ING4: variants seen among roughly 807,000 people sequenced by gnomAD.
ING4 encodes inhibitor of growth family member 4.
ING4 carries 28 observed loss-of-function variants against 33.1 expected under a neutral mutation model. The observed-to-expected ratio is 0.85, with a 90% CI of 0.63 to 1.16. The LOEUF (loss-of-function observed/expected upper bound fraction) is 1.16, where lower values mean the gene tolerates loss of function less well. Among genes scored for constraint, ING4 ranks in the 50% most tolerant of loss-of-function variants. The pLI is 0.00. For synonymous variants in ING4, 87 were observed against 104.4 expected (o/e 0.83, Z 1.02); for missense variants, 247 against 314.7 (o/e 0.78, Z 1.63).
Position 6,651,226 on chromosome 12 carries a change from G to A in ING4, c.716C>T (p.Pro239Leu). The change falls in exon 8 of 8, where the codon CCA becomes CTA. Residue 239 changes from proline (P) to leucine (L), a missense_variant. By Grantham distance (98) the Pro-to-Leu change is moderately conservative (BLOSUM62 -3). Around this residue, in one of 3 missense-constraint regions of ING4, gnomAD observed 38 missense variants for 49.7 expected, o/e 0.77. Transcript: ENST00000341550. ...CTTCTTCCGTTCTTGGGAGCAGCGT[G>A]GGCAAAACCTGAAACAGAGAAGGGG... Reference protein sequence around the residue: ...TTKPRGKWFCPRCSQERKKK With the variant: ...TTKPRGKWFCLRCSQERKKK 6.2e-7 allele frequency: 1 copy of A among 1,614,210 alleles called. No individual in the cohort carries two copies. The highest frequency in any genetic ancestry group is 8.5e-7 in the Non-Finnish European group (1 of 1,180,028).
intron 1 of ING4, 39 bp from the exon 2 acceptor site, chr12:6,656,837 C>A (rs1419377554): frequency 7.9e-7 from 1 of 1,268,572 alleles, no homozygotes. Flanking sequence ...ACTGACTATG[C>A]ATAGGCCTTA....
In ING4 at chr12:6,652,921, C is replaced by A. The variant is rs1226771221; in HGVS notation, c.391+15G>T. 1 of 1,604,186 alleles carries A rather than the reference C, an allele frequency of 6.2e-7. No homozygotes were observed. The highest frequency in any genetic ancestry group is 1.1e-5 in the South Asian group (1 of 90,870). On this transcript the variant is annotated intron_variant, in intron 4 of 7. Transcript: ENST00000341550. ...AGTCCTCGCCCCACCTCTCACAGCCCCGCCCCCTCCTCACTCTTTTTGCCT... is the reference window on the plus strand; with the variant it reads ...AGTCCTCGCCCCACCTCTCACAGCCACGCCCCCTCCTCACTCTTTTTGCCT...
At chr12:6,656,823 C>A in intron 1 of ING4, 25 bp from the exon 2 acceptor site, 1 of 1,438,120 alleles carries the variant, frequency 7.0e-7, no homozygotes, top group Non-Finnish European at 9.5e-7. Flanking sequence ...GAAACAATCA[C>A]AGGACTGACT....
intron 2 of ING4, 50 bp from the exon 3 acceptor site, chr12:6,653,446 G>A: frequency 6.5e-7 from 1 of 1,542,784 alleles, no homozygotes; most frequent in Non-Finnish European, 8.8e-7. Context: ...GTGGCTAGGT[G>A]AAACACATTT....
At chr12:6,651,461 A>G in intron 6 of ING4, 76 bp from the exon 7 acceptor site, 1 of 1,243,444 alleles carries the variant, frequency 8.0e-7, no homozygotes, top group Admixed American at 1.7e-5. Context: ...CAGATTCCTT[A>G]GGAACATCCT....
chr12:6,656,463 GC>G (rs1160796622), intron 2 of ING4: 5 of 342,960 alleles, frequency 1.5e-5, no homozygotes, highest in African/African-American at 1.1e-4. Context: ...GTGTGAGCCA[GC>G]CTGGCTAATT....
intron 1 of ING4, among the ~76,000 whole-genome samples, chr12:6,662,517 T>C (rs974390565): frequency 1.4e-4 from 21 of 152,248 alleles, no homozygotes; most frequent in East Asian, 3.9e-4. Context: ...CACAGAGCAA[T>C]AGGCTTTCTG....
intron 6 of ING4, 47 bp from the exon 7 acceptor site, chr12:6,651,432 G>C (rs1274049492): frequency 6.6e-7 from 1 of 1,519,646 alleles, no homozygotes; most frequent in East Asian, 2.3e-5. Flanking sequence ...AGGGCCAGAG[G>C]AAGGAGAGAA....
At chr12:6,662,734 A>C (rs1949595588) in intron 1 of ING4, among the ~76,000 whole-genome samples, 2 of 152,108 alleles carry the variant, frequency 1.3e-5, no homozygotes, top group African/African-American at 4.8e-5. Flanking sequence ...GTGTGTGATA[A>C]CGATTCTGAA....
At chr12:6,659,471 C>T (rs1208400363) in intron 1 of ING4, among the ~76,000 whole-genome samples, 1 of 151,826 alleles carries the variant, frequency 6.6e-6, no homozygotes, top group East Asian at 1.9e-4. Flanking sequence ...CGCACCACTG[C>T]ACTTCAGCCT....
rs1287404219 is a variant in ING4 at position 6,652,665 on chromosome 12, C to T, written c.494G>A (p.Arg165His). ...AAGGGCTCCCTGAATCACTCACGTG[C>T]GCACGAGCTTTAACTTCTTCTGGGC... Reference protein sequence around the residue: ...KTAQKKLKLVRTSPEYGMPSV... With the variant: ...KTAQKKLKLVHTSPEYGMPSV... Residue 165 changes from arginine to histidine, a missense_variant, in exon 5 of 8, where the codon CGC becomes CAC. Around this residue, in one of 3 missense-constraint regions of ING4, gnomAD observed 198 missense variants for 221.2 expected, o/e 0.89. Transcript: ENST00000341550. 7 of 1,613,342 alleles carry T rather than the reference C, an allele frequency of 4.3e-6. No individual in the cohort carries two copies. The Admixed American group carries it at 6.7e-5, about 15-fold the overall frequency.
intron 1 of ING4, among the ~76,000 whole-genome samples, chr12:6,657,121 T>C (rs1368662572): frequency 6.6e-6 from 1 of 151,298 alleles, no homozygotes; most frequent in African/African-American, 2.4e-5. Flanking sequence ...GCCACTGCAC[T>C]CCAGCCTGGG....
chr12:6,655,741 CA>C, intron 2 of ING4: 2 of 458,652 alleles, frequency 4.4e-6, no homozygotes, highest in Non-Finnish European at 7.8e-6. Context: ...TCATGTATCT[CA>C]AAACCAGTCT....
At position 6,656,799 on chromosome 12, in the gene ING4, C is replaced by T; in HGVS notation, c.38-1G>A. 1.3e-6 allele frequency: 2 copies of T among 1,548,336 alleles called. No homozygotes were observed. The highest frequency in any genetic ancestry group is 1.2e-5 in the South Asian group (1 of 82,390). ...AATTCAAAGGGAAGGTTTTCAATAC[C>T]TAGGGAAGAGAGAGAAACAATCACA... is the stretch of plus-strand genomic sequence containing the variant. On this transcript the variant is annotated splice_acceptor_variant, in intron 1 of 7. Transcript: ENST00000341550. LOFTEE classifies it high-confidence loss of function.
intron 6 of ING4, 106 bp from the exon 7 acceptor site, chr12:6,651,491 T>G (rs574152402): frequency 4.8e-4 from 457 of 943,216 alleles, no homozygotes; most frequent in Non-Finnish European, 7.0e-4. Flanking sequence ...TCCATCCTTT[T>G]GGAGAATTCT....
At position 6,657,614 on chromosome 12, in the gene ING4, G is replaced by A. The variant is rs752102738; in HGVS notation, c.38-816C>T. 5.3e-4 allele frequency among the ~76,000 whole-genome samples: 80 copies of A among 151,804 alleles called. No homozygotes were observed. In the Middle Eastern group the frequency reaches 0.01, roughly 19 times the overall value. ...TCTGCATGGCTATCCCACCCTTTTCGCCTTCAGTGACCTTCCTTTATAAAT... is the reference window on the plus strand; with the variant it reads ...TCTGCATGGCTATCCCACCCTTTTCACCTTCAGTGACCTTCCTTTATAAAT... On this transcript the variant is annotated intron_variant, in intron 1 of 7. Transcript: ENST00000341550.
intron 2 of ING4, among the ~76,000 whole-genome samples, chr12:6,656,169 TTC>T (rs1425119850): frequency 1.4e-5 from 2 of 146,818 alleles, no homozygotes; most frequent in African/African-American, 2.7e-5. Flanking sequence ...TCTTTAATTC[TTC>T]TTTTTTTTTT....
At chr12:6,655,936 G>A (rs1323029918) in intron 2 of ING4, 1 of 454,900 alleles carries the variant, frequency 2.2e-6, no homozygotes, top group Non-Finnish European at 4.4e-6. Context: ...ACGGTATAGA[G>A]ATCCCATTGT....
intron 2 of ING4, among the ~76,000 whole-genome samples, chr12:6,656,191 C>T (rs1475873673): frequency 3.4e-5 from 5 of 146,356 alleles, no homozygotes; most frequent in East Asian, 2.0e-4. Flanking sequence ...TTTTTTGAGA[C>T]AGAGTCTTGC....
Sources: gnomAD v4.1 joint callset for allele counts (sites outside exome capture counted in the v4.1 genomes callset) on GRCh38, gnomAD v4.1.1 for gene constraint, gnomAD v4.1.1 regional missense constraint, MANE v1.5 for transcripts, NCBI Gene and HGNC (gene_info 2026-07-23, HGNC 2026-07-21) for gene names.